The following ZNF521 variants were observed in gnomAD, a reference collection of about 807,000 sequenced individuals.
The protein encoded by ZNF521 is zinc finger protein 521.
In ZNF521, 14 loss-of-function variants were observed where a neutral mutation model predicts 105.5. The ratio of observed to expected loss-of-function variants is 0.13; its 90% CI spans 0.09 to 0.21. ZNF521 has a LOEUF of 0.21. Among genes scored for constraint, ZNF521 ranks in the 10% least tolerant of loss-of-function variants. The pLI is 1.00. For missense variants in ZNF521, 1,233 were observed against 1,629.7 expected, an observed-to-expected ratio of 0.76 and a Z score of 4.19; for synonymous variants, 635 against 606.0, an observed-to-expected ratio of 1.05 and a Z score of -0.70.
chr18:25,238,426 G>GA (rs1907077141), intron 3 of ZNF521, among the ~76,000 whole-genome samples: 1 of 152,126 alleles, frequency 6.6e-6, no homozygotes, highest in African/African-American at 2.4e-5. Flanking sequence ...CTATTGACCA[G>GA]AAAAATCCTA....
chr18:25,094,328 A>G (rs2033809176), intron 5 of ZNF521, among the ~76,000 whole-genome samples: 1 of 152,180 alleles, frequency 6.6e-6, no homozygotes, highest in African/African-American at 2.4e-5. Flanking sequence ...GGGAAAATGT[A>G]CTCATTCATT....
chr18:25,278,071 C>T (rs770273597), intron 3 of ZNF521, among the ~76,000 whole-genome samples: 21 of 152,116 alleles, frequency 1.4e-4, no homozygotes, highest in Non-Finnish European at 3.1e-4. Context: ...AAAATGACAC[C>T]TTTTAAGTCA....
intron 2 of ZNF521, among the ~76,000 whole-genome samples, chr18:25,324,150 C>T (rs1299744724): frequency 6.6e-6 from 1 of 152,042 alleles, no homozygotes; most frequent in Non-Finnish European, 1.5e-5. Context: ...TTGTACTCTG[C>T]CAAGCAGAGT....
At chr18:25,104,251 A>G (rs931794657) in intron 5 of ZNF521, among the ~76,000 whole-genome samples, 3 of 152,226 alleles carry the variant, frequency 2.0e-5, no homozygotes, top group Non-Finnish European at 4.4e-5. Flanking sequence ...TACTATGTCA[A>G]TATAAAGGCT....
intron 5 of ZNF521, among the ~76,000 whole-genome samples, chr18:25,100,900 G>A (rs928241324): frequency 1.3e-5 from 2 of 152,230 alleles, no homozygotes; most frequent in Non-Finnish European, 2.9e-5. Context: ...TATTTAGGAA[G>A]GTTCAAGGAG....
At chr18:25,327,321 A>G (rs775766175) in intron 2 of ZNF521, 17 of 510,298 alleles carry the variant, frequency 3.3e-5, no homozygotes, top group Non-Finnish European at 4.3e-5. Flanking sequence ...ACTGCAAATG[A>G]TGCATCTCAG....
chr18:25,127,819 G>T (rs2034565431), intron 5 of ZNF521, among the ~76,000 whole-genome samples: 1 of 151,962 alleles, frequency 6.6e-6, no homozygotes, highest in Admixed American at 6.6e-5. Flanking sequence ...ATCCAAAACA[G>T]ACTTGGTTGA....
At chr18:25,156,977 T>C (rs2035156653) in intron 5 of ZNF521, among the ~76,000 whole-genome samples, 1 of 152,048 alleles carries the variant, frequency 6.6e-6, no homozygotes, top group Non-Finnish European at 1.5e-5. Flanking sequence ...GGCGGGCAGA[T>C]CACTTGAGGC....
At chr18:25,260,848 A>G (rs1908858439) in intron 3 of ZNF521, among the ~76,000 whole-genome samples, 1 of 152,170 alleles carries the variant, frequency 6.6e-6, no homozygotes, top group African/African-American at 2.4e-5. Flanking sequence ...AAAACCCCAT[A>G]AGGAACACAA....
At chr18:25,110,273 C>T (rs893570780) in intron 5 of ZNF521, among the ~76,000 whole-genome samples, 2 of 152,310 alleles carry the variant, frequency 1.3e-5, no homozygotes, top group Non-Finnish European at 2.9e-5. Flanking sequence ...ACACCGAGTC[C>T]GCTCAGCAGA....
At chr18:25,171,019 T>C (rs1272949877) in intron 5 of ZNF521, among the ~76,000 whole-genome samples, 1 of 152,150 alleles carries the variant, frequency 6.6e-6, no homozygotes, top group Non-Finnish European at 1.5e-5. Flanking sequence ...GTCTATATCA[T>C]GTACCTTTAG....
intron 3 of ZNF521, among the ~76,000 whole-genome samples, chr18:25,315,045 C>T (rs1912523835): frequency 6.6e-6 from 1 of 152,160 alleles, no homozygotes; most frequent in Non-Finnish European, 1.5e-5. Flanking sequence ...TCCAGCCCTC[C>T]CCACCCCCTG....
intron 5 of ZNF521, among the ~76,000 whole-genome samples, chr18:25,170,108 T>TTTTC (rs540538854): frequency 1.2e-4 from 18 of 151,802 alleles, no homozygotes; most frequent in Non-Finnish European, 1.8e-4. Context: ...ATAGAAGTAG[T>TTTTC]TTTCTTTCTT....
chr18:25,287,379 T>C (rs910557101), intron 3 of ZNF521, among the ~76,000 whole-genome samples: 1 of 152,246 alleles, frequency 6.6e-6, no homozygotes, highest in Non-Finnish European at 1.5e-5. Flanking sequence ...AGTGTACTTA[T>C]TACAGGACTG....
intron 5 of ZNF521, among the ~76,000 whole-genome samples, chr18:25,148,095 C>A (rs1268982262): frequency 6.6e-6 from 1 of 152,082 alleles, no homozygotes; most frequent in East Asian, 1.9e-4. Flanking sequence ...AATCTGAAGG[C>A]TTTTATGAGA....
At chr18:25,223,749 G>C (rs1905895354) in intron 4 of ZNF521, among the ~76,000 whole-genome samples, 1 of 151,794 alleles carries the variant, frequency 6.6e-6, no homozygotes, top group Non-Finnish European at 1.5e-5. Context: ...CAAACTCAGG[G>C]ATAGTGTCTT....
chr18:25,285,554 C>G (rs1910649300), intron 3 of ZNF521, among the ~76,000 whole-genome samples: 1 of 152,152 alleles, frequency 6.6e-6, no homozygotes, highest in Non-Finnish European at 1.5e-5. Flanking sequence ...TTATACATTA[C>G]CCGAGGACAG....
At chr18:25,068,477 C>T (rs1255228584) in intron 7 of ZNF521, among the ~76,000 whole-genome samples, 1 of 152,122 alleles carries the variant, frequency 6.6e-6, no homozygotes, top group Non-Finnish European at 1.5e-5. Context: ...TACCGTCCAC[C>T]TTTAAGCACT....
intron 3 of ZNF521, among the ~76,000 whole-genome samples, chr18:25,311,383 T>TAAA (rs34665703): frequency 1.6e-3 from 225 of 137,546 alleles, no homozygotes; most frequent in African/African-American, 4.1e-3. Context: ...AGCAAAAATG[T>TAAA]AAAAAAAAAA....
Sources: allele counts gnomAD v4.1 joint callset (sites outside exome capture counted in the v4.1 genomes callset), GRCh38; gene constraint gnomAD v4.1.1; transcripts MANE v1.5; gene names NCBI Gene and HGNC (gene_info 2026-07-23, HGNC 2026-07-21).